Variants in PPP2R1B observed in about 807,000 individuals in gnomAD.
The protein encoded by PPP2R1B is serine/threonine-protein phosphatase 2A 65 kDa regulatory subunit A beta isoform.
A neutral mutation model predicts 72.7 loss-of-function variants in PPP2R1B; 58 were observed. The observed-to-expected ratio is 0.80, with a 90% CI of 0.65 to 0.99. The LOEUF is 0.99. Among genes scored for constraint, PPP2R1B ranks in the 50% least tolerant of loss-of-function variants. The probability of loss-of-function intolerance (pLI) is 0.00; values close to 1 mark genes in which losing one functional copy is unlikely to be tolerated. For missense variants in PPP2R1B, 695 were observed against 733.6 expected (o/e 0.95, Z 0.61); for synonymous variants, 256 against 264.6 (o/e 0.97, Z 0.32).
Position 111,755,112 on chromosome 11 carries a change from C to T in PPP2R1B, c.844-18G>A. Reference sequence around the variant, plus strand: ...TTCTGGAGCTATAAAAGAATTTGAACGGGTTTTAATGTATACTAACAAAAG... The same window carrying T: ...TTCTGGAGCTATAAAAGAATTTGAATGGGTTTTAATGTATACTAACAAAAG... On this transcript the variant is annotated intron_variant, in intron 6 of 14. Coordinates refer to ENST00000527614, the MANE Select transcript of PPP2R1B (RefSeq NM_002716.5). The T allele has an allele frequency of 2.5e-6, 4 of 1,590,302 alleles. No individual in the cohort carries two copies. The highest frequency in any genetic ancestry group is 1.3e-5 in the African/African-American group (1 of 74,118).
At position 111,755,446 on chromosome 11, in the gene PPP2R1B, G is replaced by C. The variant is rs369711847; in HGVS notation, c.692C>G (p.Ser231Ter). ...FTSLASDEQD[S>*]VRLLAVEACV... is the part of the protein sequence containing the mutation. ...AGCTTCCACAGCAAGGAGGCGCACT[G>C]AATCCTAAAGGAACAAAATTTCTGT... is the stretch of plus-strand genomic sequence containing the variant. Residue 231 changes from serine to a stop codon, truncating the protein, a stop_gained, in exon 6 of 15, where the codon TCA becomes TGA. Coordinates refer to ENST00000527614, the MANE Select transcript of PPP2R1B (RefSeq NM_002716.5). LOFTEE classifies it high-confidence loss of function. 6.3e-7 allele frequency: 1 copy of C among 1,597,920 alleles called. No individual in the cohort carries two copies. The highest frequency in any genetic ancestry group is 1.4e-5 in the African/African-American group (1 of 73,744).
At chr11:111,724,006 A>G (rs775182273), downstream of PPP2R1B, 1 of 1,614,202 alleles carries the variant, frequency 6.2e-7, no homozygotes, top group Non-Finnish European at 8.5e-7. Context: ...CCAGAAGCCC[A>G]GGACTGCAAG....
the PPP2R1B span, among the ~76,000 whole-genome samples, chr11:111,706,789 G>A: frequency 4.0e-5 from 6 of 151,836 alleles, no homozygotes; most frequent in African/African-American, 1.2e-4. Context: ...GTGAAACCCC[G>A]TCTCTACTAA....
At position 111,766,335 on chromosome 11, in the gene PPP2R1B, G is replaced by A. The variant is rs1244816240; in HGVS notation, c.27C>T (p.Thr9=). The change falls in exon 1 of 15, where the codon ACC becomes ACT. Residue 9 remains threonine (T), a synonymous_variant. Coordinates refer to ENST00000527614, the MANE Select transcript of PPP2R1B (RefSeq NM_002716.5). The part of the protein sequence containing the change: MAGASELG[T]GPGAAGGDGD... ...CATCTCCACCCGCTGCTCCTGGGCC[G>A]GTCCCGAGCTCTGATGCGCCCGCCA... The A allele has an allele frequency of 9.2e-6, 14 of 1,517,982 alleles. No homozygotes were observed. Among genetic ancestry groups the A allele is most frequent in the Admixed American group, 5.8e-5 (3 of 51,876 alleles). The allele number at this position is 1,517,982 out of a possible 1,614,324, so 94.0% of individuals were successfully genotyped here.
At position 111,731,966 on chromosome 11, in the gene PPP2R1B, G is replaced by A. The variant is rs550878111; in HGVS notation, c.1912-4909C>T. ...AGGCAAAATAACAGACCAGTGGCCA[G>A]CTAGGCCCCAACCCCGCACTCCCCA... On this transcript the variant is annotated intron_variant, in intron 15 of 15. Coordinates refer to the PPP2R1B transcript ENST00000311129. 3.9e-5 allele frequency among the ~76,000 whole-genome samples: 6 copies of A among 152,242 alleles called. No individual in the cohort carries two copies. The South Asian group carries it at 1.2e-3, about 32-fold the overall frequency.
chr11:111,723,924 C>T (rs1445595146), downstream of PPP2R1B: 1 of 1,613,974 alleles, frequency 6.2e-7, no homozygotes, highest in East Asian at 2.2e-5. Flanking sequence ...TCCCCTGCGC[C>T]AGACTATCCC....
At chr11:111,688,045 C>A in the PPP2R1B span, 206 of 1,614,020 alleles carry the variant, frequency 1.3e-4, no homozygotes, top group Non-Finnish European at 1.7e-4. The surrounding 1 kb of genome is among the most constrained non-coding windows in gnomAD (Gnocchi z 4.2). Context: ...TGAAGCCAGG[C>A]GAAAATTCTG....
chr11:111,757,434 A>G (rs1189451518), intron 5 of PPP2R1B, among the ~76,000 whole-genome samples: 1 of 152,206 alleles, frequency 6.6e-6, no homozygotes, highest in Admixed American at 6.5e-5. Context: ...AGACAGGACT[A>G]AGTTCTTGGT....
At chr11:111,752,085 A>G (rs1320927199) in intron 10 of PPP2R1B, 74 bp downstream of exon 10, 12 of 1,453,732 alleles carry the variant, frequency 8.3e-6, no homozygotes, top group Non-Finnish European at 1.1e-5. Context: ...ACAGGCTACT[A>G]GGCCTCCTAC....
chr11:111,757,158 T>C (rs1945153519), intron 5 of PPP2R1B, among the ~76,000 whole-genome samples: 1 of 151,122 alleles, frequency 6.6e-6, no homozygotes, highest in Admixed American at 6.6e-5. Flanking sequence ...AATGAGAAAT[T>C]AGAAATTGAG....
chr11:111,742,502 G>A (rs1944558402), intron 13 of PPP2R1B, 21 bp downstream of exon 13: 1 of 1,607,118 alleles, frequency 6.2e-7, no homozygotes, highest in South Asian at 1.1e-5. Context: ...TTTAAAACAA[G>A]ACTAAACACT....
chr11:111,722,979 T>C (rs180678075), downstream of PPP2R1B, among the ~76,000 whole-genome samples: 1 of 152,330 alleles, frequency 6.6e-6, no homozygotes, highest in African/African-American at 2.4e-5. The surrounding 1 kb of genome is among the most constrained non-coding windows in gnomAD (Gnocchi z 4.4). Flanking sequence ...TGTTTTCCTT[T>C]TCTTCTAGCG....
the PPP2R1B span, among the ~76,000 whole-genome samples, chr11:111,711,484 A>T: frequency 6.6e-6 from 1 of 152,214 alleles, no homozygotes; most frequent in Non-Finnish European, 1.5e-5. Flanking sequence ...AACAAACGAG[A>T]CGTGAGAACA....
chr11:111,705,191 TTTG>T, the PPP2R1B span: 12 of 1,459,524 alleles, frequency 8.2e-6, no homozygotes, highest in Non-Finnish European at 9.0e-6. The surrounding 1 kb of genome is among the most constrained non-coding windows in gnomAD (Gnocchi z 4.3). Context: ...TGTTCACATG[TTTG>T]ATACATTTTT....
chr11:111,744,578 C>G (rs1177487687), intron 11 of PPP2R1B, among the ~76,000 whole-genome samples: 1 of 152,128 alleles, frequency 6.6e-6, no homozygotes, highest in East Asian at 1.9e-4. Context: ...TTTACAGATC[C>G]AGTAAGACTC....
the PPP2R1B span, among the ~76,000 whole-genome samples, chr11:111,700,584 G>C: frequency 2.6e-5 from 4 of 152,134 alleles, no homozygotes; most frequent in Non-Finnish European, 5.9e-5. Context: ...ATACTAGTTG[G>C]GTTGTCCACT....
At chr11:111,720,027 C>T in the PPP2R1B span, 1 of 1,596,184 alleles carries the variant, frequency 6.3e-7, no homozygotes, top group Non-Finnish European at 8.5e-7. Flanking sequence ...GCGACACTAG[C>T]TTGAGTCTTC....
chr11:111,726,917 A>G (rs375484186), exon 16 of PPP2R1B: 94 of 1,584,212 alleles, frequency 5.9e-5, no homozygotes, highest in East Asian at 2.0e-4. Context: ...AAAAAGTGCA[A>G]TATGTGTGGT....
the PPP2R1B span, chr11:111,720,555 G>A: frequency 1.9e-6 from 3 of 1,613,936 alleles, no homozygotes; most frequent in Non-Finnish European, 1.7e-6. Context: ...TGTTCAGAGG[G>A]ACCTGAACTT....
Sources: allele counts gnomAD v4.1 joint callset (sites outside exome capture counted in the v4.1 genomes callset), GRCh38; gene constraint gnomAD v4.1.1; non-coding constraint Gnocchi (gnomAD v3.1); transcripts MANE v1.5; gene names NCBI Gene and HGNC (gene_info 2026-07-23, HGNC 2026-07-21).